HS1BP3: variants seen among roughly 807,000 people sequenced by gnomAD.
HS1BP3 encodes HCLS1-binding protein 3.
HS1BP3 carries 32 observed loss-of-function variants against 33.5 expected under a neutral mutation model. The ratio of observed to expected loss-of-function variants is 0.95; its 90% CI spans 0.72 to 1.28. HS1BP3 has a LOEUF of 1.28. HS1BP3 is among the 50% of genes most tolerant of loss of function. The pLI is 0.00. For missense variants in HS1BP3, 486 were observed against 502.3 expected (o/e 0.97, Z 0.31); for synonymous variants, 187 against 209.2 (o/e 0.89, Z 0.92).
In HS1BP3 at chr2:20,645,333, G is replaced by T; in HGVS notation, c.198+7C>A. 2 of 1,612,442 alleles carry T rather than the reference G, an allele frequency of 1.2e-6. No homozygotes were observed. Among genetic ancestry groups the T allele is most frequent in the Non-Finnish European group, 8.5e-7 (1 of 1,179,298 alleles). ...TCGAAACATCCTGGCCAGAGCCTCC[G>T]GCTCACCAAGAACTGGACGACATCC... is the stretch of plus-strand genomic sequence containing the variant. On this transcript the variant is annotated splice_region_variant and intron_variant, in intron 2 of 6. Coordinates refer to ENST00000304031, the MANE Select transcript of HS1BP3 (RefSeq NM_022460.4).
In HS1BP3 at chr2:20,623,473, G is replaced by A. The variant is rs73235079; in HGVS notation, c.920+423C>T. 1,070 of 154,516 alleles carry A rather than the reference G, an allele frequency of 6.9e-3. 14 individuals carry two copies. Among genetic ancestry groups the A allele is most frequent in the African/African-American group, 0.024 (991 of 41,642 alleles). 9.6% of individuals were successfully genotyped at this position (154,516 alleles called of 1,614,324 possible). On this transcript the variant is annotated intron_variant, in intron 6 of 6. Coordinates refer to ENST00000304031, the MANE Select transcript of HS1BP3 (RefSeq NM_022460.4). ...GTGAAAGCTGCCGACCGGGCCCTCC[G>A]GCAGAGAGGCCATCACCAAGACATC...
intron 3 of HS1BP3, among the ~76,000 whole-genome samples, chr2:20,593,707 G>A (rs746205548): frequency 2.0e-5 from 3 of 152,028 alleles, no homozygotes; most frequent in Admixed American, 6.5e-5. Flanking sequence ...CACTGCGCCC[G>A]CTCTCACCCT....
At chr2:20,575,721 A>C (rs557258181) in intron 5 of HS1BP3, among the ~76,000 whole-genome samples, 2 of 150,282 alleles carry the variant, frequency 1.3e-5, no homozygotes, top group Admixed American at 6.6e-5. Context: ...GCTCTTCCAC[A>C]CGGGGGCCTG....
At chr2:20,622,188 G>A in intron 6 of HS1BP3, 1 of 1,290,498 alleles carries the variant, frequency 7.7e-7, no homozygotes, top group Non-Finnish European at 1.0e-6. Flanking sequence ...ATGAATGAAT[G>A]GCTATCAGAA....
intron 5 of HS1BP3, among the ~76,000 whole-genome samples, chr2:20,578,961 T>C (rs1693465214): frequency 6.6e-6 from 1 of 152,202 alleles, no homozygotes; most frequent in Non-Finnish European, 1.5e-5. Flanking sequence ...AAACCTCTGT[T>C]GAAGGCAGCC....
At chr2:20,647,164 G>A (rs755046157) in intron 1 of HS1BP3, among the ~76,000 whole-genome samples, 4 of 152,136 alleles carry the variant, frequency 2.6e-5, no homozygotes, top group Non-Finnish European at 5.9e-5. Flanking sequence ...CACCTCCCAC[G>A]ATCCAGCTCC....
chr2:20,624,248 G>A lies in HS1BP3; in HGVS notation c.785-217C>T, dbSNP rs117513027. Reference sequence around the variant, plus strand: ...GCCCTCGGGATAGGGACTAGGGACAGGGACTAGGTCTCACTCCTCAGCATG... The same window carrying A: ...GCCCTCGGGATAGGGACTAGGGACAAGGACTAGGTCTCACTCCTCAGCATG... On this transcript the variant is annotated intron_variant, in intron 5 of 6. Coordinates refer to ENST00000304031, the MANE Select transcript of HS1BP3 (RefSeq NM_022460.4). Among the ~76,000 whole-genome samples the A allele has an allele frequency of 3.5e-4, 54 of 152,306 alleles. No individual in the cohort carries two copies. In the East Asian group the frequency reaches 7.0e-3, roughly 20 times the overall value.
At chr2:20,594,132 G>A (rs1373213299) in intron 3 of HS1BP3, among the ~76,000 whole-genome samples, 1 of 152,220 alleles carries the variant, frequency 6.6e-6, no homozygotes, top group African/African-American at 2.4e-5. Flanking sequence ...AACTCAGATG[G>A]CTCTGGCTGT....
chr2:20,599,394 T>A (rs1242259145), intron 2 of HS1BP3, among the ~76,000 whole-genome samples: 2 of 152,204 alleles, frequency 1.3e-5, no homozygotes, highest in African/African-American at 4.8e-5. Context: ...CGTGCCCAGT[T>A]AGGGACGTGG....
chr2:20,588,316 C>T (rs1693730467), downstream of HS1BP3, among the ~76,000 whole-genome samples: 1 of 152,104 alleles, frequency 6.6e-6, no homozygotes, highest in African/African-American at 2.4e-5. Context: ...GAAACAGTGT[C>T]TTCTGAATTA....
chr2:20,580,203 C>T (rs1311444931), intron 5 of HS1BP3, among the ~76,000 whole-genome samples: 2 of 152,254 alleles, frequency 1.3e-5, no homozygotes, highest in African/African-American at 2.4e-5. Context: ...GGGTTTCAAA[C>T]AAGCTGGAGG....
intron 5 of HS1BP3, among the ~76,000 whole-genome samples, chr2:20,568,757 G>A (rs1693196130): frequency 6.6e-6 from 1 of 152,170 alleles, no homozygotes; most frequent in Non-Finnish European, 1.5e-5. Flanking sequence ...GGGACAGGAT[G>A]GAGAACCATA....
chr2:20,569,150 G>A (rs1168853882), intron 5 of HS1BP3, among the ~76,000 whole-genome samples: 1 of 151,914 alleles, frequency 6.6e-6, no homozygotes, highest in Admixed American at 6.6e-5. Context: ...ATGGAGGCAG[G>A]AGAGAGAGAG....
At chr2:20,604,987 A>C (rs1044850987) in intron 2 of HS1BP3, among the ~76,000 whole-genome samples, 1 of 152,214 alleles carries the variant, frequency 6.6e-6, no homozygotes, top group African/African-American at 2.4e-5. Flanking sequence ...AAAAGGAAAA[A>C]GAATCATGGA....
chr2:20,613,515 G>A (rs1411647126), downstream of HS1BP3, among the ~76,000 whole-genome samples: 2 of 152,200 alleles, frequency 1.3e-5, no homozygotes, highest in South Asian at 2.1e-4. Flanking sequence ...AGGAAGGAAC[G>A]CCGCTGCCCG....
intron 2 of HS1BP3, among the ~76,000 whole-genome samples, chr2:20,644,549 T>C (rs1463872607): frequency 6.6e-6 from 1 of 152,206 alleles, no homozygotes; most frequent in Non-Finnish European, 1.5e-5. Context: ...ATCATATTCT[T>C]TATTTCAGTT....
chr2:20,629,825 C>T (rs921018465), intron 4 of HS1BP3, among the ~76,000 whole-genome samples: 2 of 152,222 alleles, frequency 1.3e-5, no homozygotes, highest in Non-Finnish European at 2.9e-5. Context: ...GGGTGAGAGG[C>T]GGCAGCTGCC....
downstream of HS1BP3, among the ~76,000 whole-genome samples, chr2:20,614,903 G>A (rs17719096): frequency 0.24 from 36,115 of 152,262 alleles, 5,093 homozygotes; most frequent in Non-Finnish European, 0.32. Flanking sequence ...CCAGAGCCAC[G>A]GAGCACAGGA....
At position 20,607,161 on chromosome 2, in the gene HS1BP3, C is replaced by CTT. The variant is rs35269255; in HGVS notation, c.179-8898_179-8897dup. The stretch of plus-strand genomic sequence containing the variant: ...GTATGAGGTAGGGTGCAACTTCATT[C>CTT]TTTTTTTTTTTTGAGACAGAGTCTT... On this transcript the variant is annotated intron_variant, in intron 2 of 3. Coordinates refer to the HS1BP3 transcript ENST00000415264. Among the ~76,000 whole-genome samples, 117 of 146,726 alleles carry CTT rather than the reference C, an allele frequency of 8.0e-4. 1 individual carries two copies. The highest frequency in any genetic ancestry group is 7.1e-3 in the Middle Eastern group (2 of 282).
Sources: allele counts gnomAD v4.1 joint callset (sites outside exome capture counted in the v4.1 genomes callset), GRCh38; gene constraint gnomAD v4.1.1; transcripts MANE v1.5; gene names NCBI Gene and HGNC (gene_info 2026-07-23, HGNC 2026-07-21).